ZNF680: variants seen among roughly 807,000 people sequenced by gnomAD.
The protein encoded by ZNF680 is zinc finger protein 680.
A neutral mutation model predicts 12.1 loss-of-function variants in ZNF680; 6 were observed. The observed-to-expected ratio is 0.49, with a 90% CI of 0.27 to 0.98. The LOEUF is 0.98. ZNF680 is among the 50% of genes least tolerant of loss of function. The pLI is 0.12. For synonymous variants in ZNF680, 170 were observed against 199.3 expected, an observed-to-expected ratio of 0.85 and a Z score of 1.24; for missense variants, 561 against 616.3, an observed-to-expected ratio of 0.91 and a Z score of 0.95.
chr7:64,534,790 A>C (rs935290587), intron 3 of ZNF680, among the ~76,000 whole-genome samples: 2 of 152,248 alleles, frequency 1.3e-5, no homozygotes, highest in Non-Finnish European at 2.9e-5. Flanking sequence ...AATGGGATAA[A>C]GAAACTGTGG....
chr7:64,501,395 A>G, the ZNF680 span: 22 of 1,158,558 alleles, frequency 1.9e-5, no homozygotes, highest in African/African-American at 3.0e-5. Context: ...AAAGGAGATG[A>G]CCTTTAGGCC....
chr7:64,545,460 TA>T (rs1043564074), intron 1 of ZNF680, among the ~76,000 whole-genome samples: 2 of 151,994 alleles, frequency 1.3e-5, no homozygotes, highest in Admixed American at 1.3e-4. Context: ...TAATTAACTA[TA>T]AAAAAAACTT....
chr7:64,502,057 T>C, the ZNF680 span, among the ~76,000 whole-genome samples: 1 of 141,054 alleles, frequency 7.1e-6, no homozygotes, highest in African/African-American at 2.7e-5. Flanking sequence ...CAGGCTGGAG[T>C]GCAGTGGTGC....
At chr7:64,545,352 CA>C (rs1786736127) in intron 1 of ZNF680, among the ~76,000 whole-genome samples, 1 of 147,850 alleles carries the variant, frequency 6.8e-6, no homozygotes. Flanking sequence ...CTTCCAAAGA[CA>C]TATATGCAAA....
chr7:64,521,920 G>C lies in ZNF680; in HGVS notation c.834C>G (p.Phe278Leu). ...CEECGKAFSL[F>L]SILSKHKIIH... ...TTATCTTATGTTTACTAAGGATTGA[G>C]AATAAACTAAAGGCTTTGCCACATT... is the stretch of plus-strand genomic sequence containing the variant. Residue 278 changes from phenylalanine (F) to leucine (L), a missense_variant, in exon 4 of 4, where the codon TTC becomes TTG. Phe to Leu is a conservative substitution (Grantham distance 22). Coordinates refer to ENST00000309683, the MANE Select transcript of ZNF680 (RefSeq NM_178558.5). 1 of 1,611,760 alleles carries C rather than the reference G, an allele frequency of 6.2e-7. No individual in the cohort carries two copies. The highest frequency in any genetic ancestry group is 8.5e-7 in the Non-Finnish European group (1 of 1,179,282).
intron 1 of ZNF680, among the ~76,000 whole-genome samples, chr7:64,558,911 A>G (rs748335157): frequency 2.0e-5 from 3 of 151,660 alleles, no homozygotes; most frequent in Non-Finnish European, 4.4e-5. Flanking sequence ...TGGGAACTTC[A>G]GTATTTAAAG....
rs1006298835 is a variant in ZNF680, at chr7:64,524,132, A to G, written c.254-1632T>C. On this transcript the variant is annotated intron_variant, in intron 3 of 3. Coordinates refer to ENST00000309683, the MANE Select transcript of ZNF680 (RefSeq NM_178558.5). ...GAAATATACTTGAAGTCAAACTCCA[A>G]AGAGACAAAGAAGAATTTTTTTTTT... is the stretch of plus-strand genomic sequence containing the variant. Among the ~76,000 whole-genome samples the G allele has an allele frequency of 2.7e-5, 4 of 149,902 alleles. No individual in the cohort carries two copies. In the Admixed American group the frequency reaches 2.7e-4, roughly 10 times the overall value.
Position 64,521,413 on chromosome 7 carries a change from T to C in ZNF680, c.1341A>G (p.Ser447=), listed in dbSNP as rs774431930. 3.1e-6 allele frequency: 5 copies of C among 1,613,698 alleles called. No homozygotes were observed. ...GAATTACTTTATGGTTAGTAAGGGT[T>C]GAAAATAAAGTAAAGCCTTTGCCAC... ...EECGKGFTLF[S]TLTNHKVIHT... is the part of the protein sequence containing the mutation. Residue 447 remains serine (S), a synonymous_variant, in exon 4 of 4, where the codon TCA becomes TCG. Coordinates refer to ENST00000309683, the MANE Select transcript of ZNF680 (RefSeq NM_178558.5).
intron 3 of ZNF680, among the ~76,000 whole-genome samples, chr7:64,535,298 G>C (rs1312264766): frequency 6.6e-6 from 1 of 151,914 alleles, no homozygotes; most frequent in East Asian, 1.9e-4. Flanking sequence ...TTAGAAAGTT[G>C]AGGATGCAGT....
rs1791514910 is a variant in ZNF680 at position 64,521,306 on chromosome 7, ATTCTC to A, written c.1443_1447del (p.Lys481AsnfsTer4). ...TTTGTAGGGTTTCTCTCTAGCATGAATTCTCTTATGATTAGCAAGAGTTGCAGGCC... is the reference window on the plus strand; with the variant it reads ...TTTGTAGGGTTTCTCTCTAGCATGAATTATGATTAGCAAGAGTTGCAGGCC... On this transcript the variant is annotated frameshift_variant, in exon 4 of 4. Coordinates refer to ENST00000309683, the MANE Select transcript of ZNF680 (RefSeq NM_178558.5). LOFTEE classifies it low-confidence loss of function (END_TRUNC). The A allele has an allele frequency of 6.2e-7, 1 of 1,613,572 alleles. No homozygotes were observed. Among genetic ancestry groups the A allele is most frequent in the Non-Finnish European group, 8.5e-7 (1 of 1,179,716 alleles).
At chr7:64,513,821 T>A in the ZNF680 span, among the ~76,000 whole-genome samples, 2 of 152,038 alleles carry the variant, frequency 1.3e-5, no homozygotes, top group African/African-American at 4.8e-5. Context: ...ACTTTTTTTA[T>A]TTTTAGTAGA....
the ZNF680 span, among the ~76,000 whole-genome samples, chr7:64,514,651 A>C: frequency 6.6e-6 from 1 of 152,116 alleles, no homozygotes; most frequent in Non-Finnish European, 1.5e-5. Flanking sequence ...CTCATAATAA[A>C]AACTTATAAT....
chr7:64,513,165 A>G, the ZNF680 span, among the ~76,000 whole-genome samples: 13 of 152,314 alleles, frequency 8.5e-5, no homozygotes, highest in Middle Eastern at 3.4e-3. Flanking sequence ...ACCAGGTTTT[A>G]CATTCAAGTT....
chr7:64,527,175 C>T (rs1308702654), intron 3 of ZNF680, among the ~76,000 whole-genome samples: 2 of 152,056 alleles, frequency 1.3e-5, no homozygotes, highest in Non-Finnish European at 2.9e-5. Context: ...GAGGCGGAGG[C>T]TGCAGTGAGC....
chr7:64,538,834 C>G (rs558285726), intron 3 of ZNF680, among the ~76,000 whole-genome samples: 1 of 152,174 alleles, frequency 6.6e-6, no homozygotes, highest in South Asian at 2.1e-4. Context: ...ACCAGCATCA[C>G]AAAAGCCAAA....
intron 3 of ZNF680, among the ~76,000 whole-genome samples, chr7:64,537,769 T>C (rs1267004920): frequency 9.4e-6 from 1 of 106,886 alleles, no homozygotes; most frequent in South Asian, 2.7e-4. Flanking sequence ...CTACTAAAAA[T>C]ACAAAAAACA....
At chr7:64,539,316 G>A (rs376326854) in intron 3 of ZNF680, among the ~76,000 whole-genome samples, 62 of 124,564 alleles carry the variant, frequency 5.0e-4, no homozygotes, top group African/African-American at 1.3e-3. Context: ...GCACCACTGC[G>A]CTCCAGCCTG....
At chr7:64,500,479 G>C in the ZNF680 span, among the ~76,000 whole-genome samples, 1 of 152,260 alleles carries the variant, frequency 6.6e-6, no homozygotes, top group South Asian at 2.1e-4. Context: ...AGGAACTCTT[G>C]TTATTTGCAA....
intron 1 of ZNF680, among the ~76,000 whole-genome samples, chr7:64,562,700 A>T (rs1269290290): frequency 6.6e-6 from 1 of 152,224 alleles, no homozygotes; most frequent in East Asian, 1.9e-4. Flanking sequence ...CTCCAGGCCA[A>T]GGCACAGTCA....
Sources: gnomAD v4.1 joint callset for allele counts (sites outside exome capture counted in the v4.1 genomes callset) on GRCh38, gnomAD v4.1.1 for gene constraint, MANE v1.5 for transcripts, NCBI Gene and HGNC (gene_info 2026-07-23, HGNC 2026-07-21) for gene names.